Variants in GAL3ST2 observed in about 807,000 individuals in gnomAD.
The protein encoded by GAL3ST2 is galactose-3-O-sulfotransferase 2.
GAL3ST2 carries 16 observed loss-of-function variants against 12.9 expected under a neutral mutation model. That is an observed-to-expected ratio of 1.24 (90% CI 0.84 to 1.88). The LOEUF (loss-of-function observed/expected upper bound fraction) is 1.88. Ranked by LOEUF, GAL3ST2 falls within the 40% of genes most tolerant of loss-of-function variation. The pLI is 0.00. For missense variants in GAL3ST2, 639 were observed against 571.8 expected, an observed-to-expected ratio of 1.12 and a Z score of -1.20; for synonymous variants, 302 against 273.9, an observed-to-expected ratio of 1.10 and a Z score of -1.01.
intron 1 of GAL3ST2, among the ~76,000 whole-genome samples, chr2:241,787,602 C>T (rs1165463461): frequency 2.0e-5 from 3 of 147,692 alleles, no homozygotes; most frequent in Non-Finnish European, 4.4e-5. Flanking sequence ...TCTACTGCTT[C>T]CATGACGATG....
chr2:241,803,551 G>GTTCGAC lies in GAL3ST2; in HGVS notation c.587_592dup (p.Asp196_Phe197dup). The stretch of plus-strand genomic sequence containing the variant: ...ACGTCTACGCCAAGAACAACATGTG[G>GTTCGAC]TTCGACTTCGGCTTCGACCCCAACG... On this transcript the variant is annotated inframe_insertion, in exon 4 of 4. Transcript: ENST00000192314. The GTTCGAC allele has an allele frequency of 6.2e-7, 1 of 1,607,166 alleles. No individual in the cohort carries two copies. The highest frequency in any genetic ancestry group is 8.5e-7 in the Non-Finnish European group (1 of 1,176,966).
At position 241,802,120 on chromosome 2, in the gene GAL3ST2, G is replaced by A; in HGVS notation, c.375+84G>A. ...TGGGTGGTGTAGCCTGGAGGCTGGAGAGAAGGAGTGTAAGGCTTGGGGGCG... is the reference window on the plus strand; with the variant it reads ...TGGGTGGTGTAGCCTGGAGGCTGGAAAGAAGGAGTGTAAGGCTTGGGGGCG... On this transcript the variant is annotated intron_variant, in intron 3 of 3. Coordinates refer to ENST00000192314, the MANE Select transcript of GAL3ST2 (RefSeq NM_022134.3). This position sits in a 1 kb window ranked among gnomAD's most constrained non-coding sequence, Gnocchi z 4.8. The A allele has an allele frequency of 6.8e-7, 1 of 1,468,132 alleles. No individual in the cohort carries two copies. The highest frequency in any genetic ancestry group is 1.3e-5 in the South Asian group (1 of 75,300). 90.9% of individuals were successfully genotyped at this position (1,468,132 alleles called of 1,614,324 possible). A position where few individuals can be genotyped will look rare whatever the true frequency, so the allele number is the denominator to read the frequency against.
In GAL3ST2 at chr2:241,804,116, C is replaced by T; in HGVS notation, c.1147C>T (p.Leu383=). The change falls in exon 4 of 4, where the codon CTG becomes TTG. Residue 383 remains leucine (L), a synonymous_variant. Coordinates refer to ENST00000192314, the MANE Select transcript of GAL3ST2 (RefSeq NM_022134.3). ...ELQYMARLYA[L]QFPEKPLKNI... is the part of the protein sequence containing the mutation. Reference sequence around the variant, plus strand: ...CCAGTACATGGCCCGCCTGTACGCCCTGCAGTTCCCGGAGAAGCCCCTCAA... The same window carrying T: ...CCAGTACATGGCCCGCCTGTACGCCTTGCAGTTCCCGGAGAAGCCCCTCAA... 2.7e-6 allele frequency: 4 copies of T among 1,503,440 alleles called. No individual in the cohort carries two copies. Among genetic ancestry groups the T allele is most frequent in the East Asian group, 2.8e-5 (1 of 36,222 alleles). 93.1% of individuals were successfully genotyped at this position (1,503,440 alleles called of 1,614,324 possible). A position where few individuals can be genotyped will look rare whatever the true frequency, so the allele number is the denominator to read the frequency against.
At chr2:241,783,585 T>C (rs927163496) in intron 1 of GAL3ST2, among the ~76,000 whole-genome samples, 1 of 152,150 alleles carries the variant, frequency 6.6e-6, no homozygotes, top group Non-Finnish European at 1.5e-5. Context: ...TATCCAAATA[T>C]GAAATATCTA....
At chr2:241,778,779 C>CGAACATTGG (rs997878588) in intron 1 of GAL3ST2, among the ~76,000 whole-genome samples, 5 of 152,026 alleles carry the variant, frequency 3.3e-5, no homozygotes, top group Non-Finnish European at 5.9e-5. Flanking sequence ...ATATGCAGGA[C>CGAACATTGG]GAACATTGGT....
At chr2:241,785,552 CA>C (rs80247515) in intron 1 of GAL3ST2, among the ~76,000 whole-genome samples, 20,762 of 72,826 alleles carry the variant, frequency 0.29, 1,345 homozygotes, top group Admixed American at 0.38. Flanking sequence ...AACTCCGTCT[CA>C]AAAAAAAAAA....
At chr2:241,796,315 G>A (rs914237050) in intron 1 of GAL3ST2, among the ~76,000 whole-genome samples, 1 of 151,952 alleles carries the variant, frequency 6.6e-6, no homozygotes, top group African/African-American at 2.4e-5. Flanking sequence ...GGTCCCTAAA[G>A]ACCACTTCCT....
chr2:241,799,504 C>G (rs111336138), intron 2 of GAL3ST2, among the ~76,000 whole-genome samples: 210 of 152,288 alleles, frequency 1.4e-3, no homozygotes, highest in African/African-American at 4.9e-3. Flanking sequence ...AGGAAAAGGT[C>G]AGAACCGTGC....
rs995507782 is a variant in GAL3ST2 at position 241,800,542 on chromosome 2, C to A, written c.120-1239C>A. 6.6e-6 allele frequency among the ~76,000 whole-genome samples: 1 copy of A among 152,186 alleles called. No homozygotes were observed. The highest frequency in any genetic ancestry group is 2.1e-4 in the South Asian group (1 of 4,826). ...GGGGTGGAGACTGCACATCTAACTG[C>A]GTTACAATCAGGCCCTGCACGTCAG... On this transcript the variant is annotated intron_variant, in intron 2 of 3. Transcript: ENST00000192314. This position sits in a 1 kb window ranked among gnomAD's most constrained non-coding sequence, Gnocchi z 5.2.
At chr2:241,785,314 G>A (rs759515635) in intron 1 of GAL3ST2, among the ~76,000 whole-genome samples, 33 of 152,180 alleles carry the variant, frequency 2.2e-4, no homozygotes, top group Non-Finnish European at 2.1e-4. Context: ...CATTTTGGGA[G>A]GCCGAGGTGG....
At chr2:241,780,321 C>A (rs1301577055) in intron 1 of GAL3ST2, among the ~76,000 whole-genome samples, 1 of 151,986 alleles carries the variant, frequency 6.6e-6, no homozygotes, top group Non-Finnish European at 1.5e-5. Context: ...GAGTTTGAGA[C>A]CAGCCTGGCC....
Position 241,799,162 on chromosome 2 carries a change from CT to C in GAL3ST2, c.119+9del, listed in dbSNP as rs1559417665. The C allele has an allele frequency of 6.2e-7, 1 of 1,612,622 alleles. No homozygotes were observed. Among genetic ancestry groups the C allele is most frequent in the Non-Finnish European group, 8.5e-7 (1 of 1,179,046 alleles). ...CTTAGAGCTGGACACACCGTAAGTC[CT>C]GCCCCCACCATAAGTCCTGCCCCGG... On this transcript the variant is annotated intron_variant, in intron 2 of 3. Transcript: ENST00000192314.
chr2:241,790,955 T>G (rs1463017806), intron 1 of GAL3ST2, among the ~76,000 whole-genome samples: 1 of 152,258 alleles, frequency 6.6e-6, no homozygotes, highest in Non-Finnish European at 1.5e-5. Context: ...TCAGATAAAC[T>G]CAACCAATTG....
intron 1 of GAL3ST2, among the ~76,000 whole-genome samples, chr2:241,797,616 A>G (rs781428547): frequency 6.1e-5 from 9 of 147,650 alleles, no homozygotes; most frequent in Non-Finnish European, 8.8e-5. Context: ...CGCTGCTCCC[A>G]TGGCAGAGCC....
chr2:241,782,657 CTG>C (rs1238349745), intron 1 of GAL3ST2, among the ~76,000 whole-genome samples: 1 of 152,134 alleles, frequency 6.6e-6, no homozygotes, highest in Non-Finnish European at 1.5e-5. Context: ...ATTTCTGACT[CTG>C]TGTTTCAATA....
Position 241,793,699 on chromosome 2 carries a change from GTA to G in GAL3ST2, c.30-5364_30-5363del, listed in dbSNP as rs1271070473. Among the ~76,000 whole-genome samples, 1 of 151,548 alleles carries G rather than the reference GTA, an allele frequency of 6.6e-6. No individual in the cohort carries two copies. The highest frequency in any genetic ancestry group is 1.5e-5 in the Non-Finnish European group (1 of 67,868). ...ATATTGTGTATGTGTGTGTATATGT[GTA>G]TGTACGTATTGTGTATGCATGTGTG... On this transcript the variant is annotated intron_variant, in intron 1 of 3. Coordinates refer to ENST00000192314, the MANE Select transcript of GAL3ST2 (RefSeq NM_022134.3). This position sits in a 1 kb window ranked among gnomAD's most constrained non-coding sequence, Gnocchi z 4.7.
intron 1 of GAL3ST2, among the ~76,000 whole-genome samples, chr2:241,792,054 C>CTTGT (rs1468213450): frequency 3.4e-5 from 5 of 147,168 alleles, no homozygotes; most frequent in South Asian, 2.2e-4. Context: ...GCTCTTGTCG[C>CTTGT]CCAGGCTGGA....
At chr2:241,790,550 T>C (rs1699683029) in intron 1 of GAL3ST2, among the ~76,000 whole-genome samples, 2 of 152,218 alleles carry the variant, frequency 1.3e-5, no homozygotes, top group Non-Finnish European at 2.9e-5. Flanking sequence ...AGTCGTGTCC[T>C]ACAAACCATA....
intron 1 of GAL3ST2, among the ~76,000 whole-genome samples, chr2:241,794,265 T>A (rs1255532289): frequency 1.3e-5 from 2 of 152,214 alleles, no homozygotes; most frequent in East Asian, 3.9e-4. Flanking sequence ...TTATTACCCC[T>A]CATTTTAGAT....
Sources: gnomAD v4.1 joint callset for allele counts (sites outside exome capture counted in the v4.1 genomes callset) on GRCh38, gnomAD v4.1.1 for gene constraint, Gnocchi (gnomAD v3.1) non-coding constraint, MANE v1.5 for transcripts, NCBI Gene and HGNC (gene_info 2026-07-23, HGNC 2026-07-21) for gene names.